Variants in ARHGAP35 observed in about 807,000 individuals in gnomAD.
The protein encoded by ARHGAP35 is Rho GTPase activating protein 35, also known as rho GTPase-activating protein 35.
A neutral mutation model predicts 111.1 loss-of-function variants in ARHGAP35; 15 were observed. The observed-to-expected ratio is 0.13, with a 90% CI of 0.09 to 0.21. The LOEUF (loss-of-function observed/expected upper bound fraction) is 0.21. Ranked by LOEUF, ARHGAP35 falls within the 10% of genes least tolerant of loss-of-function variation. ARHGAP35 has a pLI of 1.00. For missense variants in ARHGAP35, 1,262 were observed against 1,873.0 expected (o/e 0.67, Z 6.02); for synonymous variants, 643 against 710.3 (o/e 0.91, Z 1.51).
At position 46,919,188 on chromosome 19, in the gene ARHGAP35, T is replaced by C. The variant is rs2122193484; in HGVS notation, c.513T>C (p.Asn171=). ...GTATTGATGTTAGCAGGGGCATGAA[T>C]AGGAACTTTGATGACCAGCTCAAGT... The part of the protein sequence containing the change: ...LLGIDVSRGM[N]RNFDDQLKFV... Residue 171 remains asparagine (N), a synonymous_variant, in exon 2 of 7, where the codon AAT becomes AAC. Coordinates refer to ENST00000672722, the MANE Select transcript of ARHGAP35 (RefSeq NM_004491.5). This position sits in a 1 kb window ranked among gnomAD's most constrained non-coding sequence, Gnocchi z 6.2. 1 of 1,613,920 alleles carries C rather than the reference T, an allele frequency of 6.2e-7. No individual in the cohort carries two copies. Among genetic ancestry groups the C allele is most frequent in the East Asian group, 2.2e-5 (1 of 44,882 alleles).
At position 46,861,227 on chromosome 19, in the gene ARHGAP35, C is replaced by G. The variant is rs950430142; in HGVS notation, c.-189+18C>G. The stretch of plus-strand genomic sequence containing the variant: ...CCCAGCTGGTGAGTGCGCGAGCTCA[C>G]GGGCCCCGGGCGGCGAGGCCGGGCG... On this transcript the variant is annotated intron_variant, in intron 1 of 6. Coordinates refer to ENST00000672722, the MANE Select transcript of ARHGAP35 (RefSeq NM_004491.5). 4.1e-4 allele frequency among the ~76,000 whole-genome samples: 62 copies of G among 151,268 alleles called. No individual in the cohort carries two copies. Among genetic ancestry groups the G allele is most frequent in the Non-Finnish European group, 7.1e-4 (48 of 67,664 alleles).
At position 46,921,642 on chromosome 19, in the gene ARHGAP35, C is replaced by A; in HGVS notation, c.2967C>A (p.Ile989=). 6.2e-7 allele frequency: 1 copy of A among 1,613,940 alleles called. No homozygotes were observed. Among genetic ancestry groups the A allele is most frequent in the Non-Finnish European group, 8.5e-7 (1 of 1,179,890 alleles). The change falls in exon 2 of 7, where the codon ATC becomes ATA. Residue 989 remains isoleucine, a synonymous_variant. Coordinates refer to ENST00000672722, the MANE Select transcript of ARHGAP35 (RefSeq NM_004491.5). The surrounding 1 kb of genome is among the most constrained non-coding windows in gnomAD (Gnocchi z 4.3). ...NSNLQDSEED[I]EPSYSLFRED... ...ACCTGCAGGATTCAGAAGAAGATATCGAGCCATCTTACAGCCTGTTTCGAG... is the reference window on the plus strand; with the variant it reads ...ACCTGCAGGATTCAGAAGAAGATATAGAGCCATCTTACAGCCTGTTTCGAG...
At chr19:46,924,490 T>C (rs1239206230) in intron 2 of ARHGAP35, among the ~76,000 whole-genome samples, 1 of 152,260 alleles carries the variant, frequency 6.6e-6, no homozygotes. Context: ...TATTAATAAA[T>C]GCCATAGGCA....
At chr19:46,995,381 A>G (rs1313426318) in intron 5 of ARHGAP35, among the ~76,000 whole-genome samples, 2 of 152,214 alleles carry the variant, frequency 1.3e-5, no homozygotes, top group African/African-American at 4.8e-5. Flanking sequence ...AGCCTGGGCA[A>G]TACAGTGAGA....
In ARHGAP35 at chr19:46,950,617, G is replaced by A. The variant is rs575392372; in HGVS notation, c.3826+13209G>A. 2.6e-5 allele frequency among the ~76,000 whole-genome samples: 4 copies of A among 152,276 alleles called. No homozygotes were observed. In the East Asian group the frequency reaches 5.8e-4, roughly 22 times the overall value. On this transcript the variant is annotated intron_variant, in intron 3 of 6. Transcript: ENST00000672722. ...TGTGGTGGTGTGTTTTTGTATCTTC[G>A]GGGCTGAAGGAGTGATTCTGGCAGG...
intron 2 of ARHGAP35, among the ~76,000 whole-genome samples, chr19:46,930,318 C>G (rs1297789102): frequency 1.3e-5 from 2 of 151,592 alleles, no homozygotes; most frequent in East Asian, 3.9e-4. Context: ...CATGATTACA[C>G]CATTGCACTC....
intron 1 of ARHGAP35, among the ~76,000 whole-genome samples, chr19:46,873,780 C>G (rs2055901137): frequency 6.7e-6 from 1 of 150,284 alleles, no homozygotes; most frequent in Non-Finnish European, 1.5e-5. Context: ...CGGAGTTTTG[C>G]CCTTGTTGCC....
At chr19:46,933,233 T>C (rs887690080) in intron 2 of ARHGAP35, among the ~76,000 whole-genome samples, 2 of 137,202 alleles carry the variant, frequency 1.5e-5, no homozygotes, top group African/African-American at 5.5e-5. Flanking sequence ...AGCCTTCACC[T>C]CCCCAGCTCA....
intron 2 of ARHGAP35, among the ~76,000 whole-genome samples, chr19:46,935,505 T>C (rs1414270848): frequency 1.3e-5 from 2 of 152,194 alleles, no homozygotes; most frequent in African/African-American, 2.4e-5. Context: ...TTTTTTCTTA[T>C]ACAAAGGGGT....
intron 1 of ARHGAP35, among the ~76,000 whole-genome samples, chr19:46,910,058 G>T (rs567395898): frequency 1.3e-5 from 2 of 152,306 alleles, no homozygotes; most frequent in South Asian, 4.1e-4. Context: ...GTGTTAATTT[G>T]TTGGGTGAGT....
chr19:46,870,569 ACT>A, intron 1 of ARHGAP35, among the ~76,000 whole-genome samples: 1 of 151,684 alleles, frequency 6.6e-6, no homozygotes, highest in South Asian at 2.1e-4. Flanking sequence ...ACAGAGCAAG[ACT>A]CAGTCTCAAA....
At chr19:46,972,181 G>A (rs929868329) in intron 3 of ARHGAP35, among the ~76,000 whole-genome samples, 2 of 152,042 alleles carry the variant, frequency 1.3e-5, no homozygotes, top group African/African-American at 4.8e-5. Flanking sequence ...GCTACTTTTT[G>A]TATTTTTGTA....
intron 1 of ARHGAP35, among the ~76,000 whole-genome samples, chr19:46,894,114 C>T (rs1169973885): frequency 6.6e-6 from 1 of 152,054 alleles, no homozygotes; most frequent in Non-Finnish European, 1.5e-5. Flanking sequence ...GAATTATCTC[C>T]AGTATCCTCA....
intron 2 of ARHGAP35, among the ~76,000 whole-genome samples, chr19:46,928,305 A>G (rs752888313): frequency 5.3e-5 from 8 of 152,192 alleles, no homozygotes; most frequent in Non-Finnish European, 8.8e-5. Context: ...CACTGAGCCA[A>G]CTTGGTCTCC....
intron 3 of ARHGAP35, among the ~76,000 whole-genome samples, chr19:46,974,880 T>G (rs2056571238): frequency 6.6e-6 from 1 of 152,046 alleles, no homozygotes; most frequent in Non-Finnish European, 1.5e-5. Context: ...GGAAGGGGCT[T>G]GTTTGTTCTG....
Position 46,920,973 on chromosome 19 carries a change from C to T in ARHGAP35, c.2298C>T (p.Asn766=), listed in dbSNP as rs1329693013. Residue 766 remains asparagine, a synonymous_variant, in exon 2 of 7, where the codon AAC becomes AAT. Coordinates refer to ENST00000672722, the MANE Select transcript of ARHGAP35 (RefSeq NM_004491.5). The surrounding 1 kb of genome is among the most constrained non-coding windows in gnomAD (Gnocchi z 7.0). ...TCCTGGACTCTAAGCGTAACTTAAA[C>T]CTGGTCAGTTCTACTGCTAGCATCA... ...KGLLDSKRNL[N]LVSSTASIKD... is the part of the protein sequence containing the mutation. 6.2e-7 allele frequency: 1 copy of T among 1,613,950 alleles called. No individual in the cohort carries two copies. Among genetic ancestry groups the T allele is most frequent in the African/African-American group, 1.3e-5 (1 of 75,012 alleles).
intron 3 of ARHGAP35, among the ~76,000 whole-genome samples, chr19:46,954,942 G>A (rs1281587728): frequency 6.6e-6 from 1 of 152,132 alleles, no homozygotes; most frequent in Non-Finnish European, 1.5e-5. Flanking sequence ...TCACTTCCTG[G>A]GGCTGGGCTA....
chr19:46,893,857 T>G (rs1213440474), intron 1 of ARHGAP35, among the ~76,000 whole-genome samples: 3 of 151,746 alleles, frequency 2.0e-5, no homozygotes. Flanking sequence ...GTTTCTGCCT[T>G]AACATAAGTT....
Position 46,958,876 on chromosome 19 carries a change from G to A in ARHGAP35, c.3826+21468G>A, listed in dbSNP as rs1466307971. On this transcript the variant is annotated intron_variant, in intron 3 of 6. Transcript: ENST00000672722. Reference sequence around the variant, plus strand: ...CATTTGACCTTTACAGCATTTGGCCGTTTTTACTCATATATTGGGGATTGA... The same window carrying A: ...CATTTGACCTTTACAGCATTTGGCCATTTTTACTCATATATTGGGGATTGA... Among the ~76,000 whole-genome samples, 10 of 152,196 alleles carry A rather than the reference G, an allele frequency of 6.6e-5. 1 individual carries two copies. In the South Asian group the frequency reaches 1.5e-3, roughly 22 times the overall value.
Sources: allele counts gnomAD v4.1 joint callset (sites outside exome capture counted in the v4.1 genomes callset), GRCh38; gene constraint gnomAD v4.1.1; non-coding constraint Gnocchi (gnomAD v3.1); transcripts MANE v1.5; gene names NCBI Gene and HGNC (gene_info 2026-07-23, HGNC 2026-07-21).